CACNB4: variants seen among roughly 807,000 people sequenced by gnomAD.
CACNB4 encodes the protein voltage-dependent L-type calcium channel subunit beta-4.
A neutral mutation model predicts 71.2 loss-of-function variants in CACNB4; 32 were observed. The ratio of observed to expected loss-of-function variants is 0.45; its 90% CI spans 0.34 to 0.60. The LOEUF (loss-of-function observed/expected upper bound fraction) is 0.60. CACNB4 is among the 20% of genes least tolerant of loss of function. CACNB4 has a pLI of 0.01. For synonymous variants in CACNB4, 231 were observed against 236.9 expected (o/e 0.97, Z 0.23); for missense variants, 464 against 647.9 (o/e 0.72, Z 3.08).
intron 2 of CACNB4, among the ~76,000 whole-genome samples, chr2:152,012,374 C>G (rs1683105578): frequency 6.6e-6 from 1 of 152,132 alleles, no homozygotes; most frequent in Non-Finnish European, 1.5e-5. Flanking sequence ...GAGGCCGAGG[C>G]AGGTGGAGCG....
chr2:152,081,361 T>A (rs753104614), intron 2 of CACNB4, among the ~76,000 whole-genome samples: 11 of 152,106 alleles, frequency 7.2e-5, no homozygotes, highest in Non-Finnish European at 1.0e-4. Context: ...AAGATCAAGA[T>A]ACTGACAGAG....
chr2:151,876,728 AC>A (rs1339932215), intron 4 of CACNB4, among the ~76,000 whole-genome samples, 172 bp from the exon 5 acceptor site: 34 of 50,186 alleles, frequency 6.8e-4, no homozygotes, highest in African/African-American at 1.8e-3. Context: ...TATATACTAT[AC>A]TATAGACTAT....
At chr2:151,850,988 T>C (rs911317136) in intron 12 of CACNB4, 1 of 152,194 alleles carries the variant, frequency 6.6e-6, no homozygotes, top group Non-Finnish European at 1.5e-5. Context: ...AGAGCTCCTA[T>C]AGGCTTCCCT....
intron 2 of CACNB4, among the ~76,000 whole-genome samples, chr2:152,069,503 C>CT (rs34430081): frequency 0.055 from 7,138 of 128,864 alleles, 276 homozygotes; most frequent in Non-Finnish European, 0.074. Context: ...AAGAACACGC[C>CT]TTTTTTTTTT....
chr2:152,042,175 A>C (rs1189505658), intron 2 of CACNB4, among the ~76,000 whole-genome samples: 1 of 152,220 alleles, frequency 6.6e-6, no homozygotes, highest in African/African-American at 2.4e-5. Flanking sequence ...ACTAATTGCT[A>C]CTAAGCATGG....
At chr2:151,857,722 T>C (rs1365894888) in intron 10 of CACNB4, 1 of 152,338 alleles carries the variant, frequency 6.6e-6, no homozygotes, top group African/African-American at 2.4e-5. Context: ...CAGAAAGACA[T>C]TGATGTGAAC....
intron 2 of CACNB4, among the ~76,000 whole-genome samples, chr2:151,947,466 A>G (rs1277434912): frequency 2.6e-5 from 4 of 152,158 alleles, no homozygotes; most frequent in African/African-American, 9.7e-5. Flanking sequence ...ACGGGATTCT[A>G]TTGCAGAGTG....
intron 2 of CACNB4, among the ~76,000 whole-genome samples, chr2:151,938,121 T>G (rs989697025): frequency 3.9e-5 from 6 of 152,152 alleles, no homozygotes; most frequent in African/African-American, 1.4e-4. Context: ...GTCCCCTGAG[T>G]CTTTCATGTA....
chr2:151,895,714 A>G (rs1319986787), intron 2 of CACNB4, among the ~76,000 whole-genome samples: 1 of 152,058 alleles, frequency 6.6e-6, no homozygotes, highest in Non-Finnish European at 1.5e-5. Context: ...ACCTGCATTA[A>G]CCCTAAAATA....
At chr2:151,929,117 T>G (rs76107779) in intron 2 of CACNB4, among the ~76,000 whole-genome samples, 2 of 152,028 alleles carry the variant, frequency 1.3e-5, no homozygotes, top group Non-Finnish European at 2.9e-5. Flanking sequence ...GCCATCACAG[T>G]GCTTACATAA....
chr2:152,078,869 CTTTTGGTTTCAGTAT>C (rs1212381872), intron 2 of CACNB4, among the ~76,000 whole-genome samples: 4 of 152,134 alleles, frequency 2.6e-5, no homozygotes, highest in Non-Finnish European at 5.9e-5. Flanking sequence ...ATATATTGAT[CTTTTGGTTTCAGTAT>C]TACAGCAGCT....
chr2:152,021,079 C>A (rs565093262), intron 2 of CACNB4, among the ~76,000 whole-genome samples: 1 of 152,036 alleles, frequency 6.6e-6, no homozygotes, highest in African/African-American at 2.4e-5. Context: ...GGTGAAACCC[C>A]GTTTCTACTA....
chr2:151,930,622 A>G (rs754841750), intron 2 of CACNB4, among the ~76,000 whole-genome samples: 2 of 152,210 alleles, frequency 1.3e-5, no homozygotes, highest in Non-Finnish European at 2.9e-5. Context: ...GACACAACCC[A>G]GCAGAGGATT....
chr2:151,869,463 G>C (rs1033040937), intron 8 of CACNB4: 4 of 450,130 alleles, frequency 8.9e-6, no homozygotes, highest in Non-Finnish European at 1.2e-5. Flanking sequence ...GAATAAACCA[G>C]CAGTGTTCAC....
intron 12 of CACNB4, among the ~76,000 whole-genome samples, chr2:151,843,611 C>T (rs999499995): frequency 8.5e-5 from 13 of 152,274 alleles, no homozygotes; most frequent in African/African-American, 2.4e-4. Context: ...TCACCACACC[C>T]GGCTCACATC....
chr2:151,836,710 A>C lies in CACNB4; in HGVS notation c.*2409T>G, dbSNP rs1391535678. ...TTTATCGGCATGACATGGAAGACTA[A>C]AAACAAGGCTTTGAAAAACCTTTAA... On this transcript the variant is annotated 3_prime_UTR_variant, in exon 14 of 14. Transcript: ENST00000539935. 3 of 151,972 alleles carry C rather than the reference A, an allele frequency of 2.0e-5. No individual in the cohort carries two copies. The highest frequency in any genetic ancestry group is 4.8e-5 in the African/African-American group (2 of 41,450). The allele number at this position is 151,972 out of a possible 1,614,324, so 9.4% of individuals were successfully genotyped here.
At chr2:152,039,785 G>A (rs4664521) in intron 2 of CACNB4, among the ~76,000 whole-genome samples, 104,955 of 152,162 alleles carry the variant, frequency 0.69, 36,437 homozygotes, top group East Asian at 0.86. Flanking sequence ...GGAAAACTAC[G>A]TAAGTCCTCA....
chr2:152,033,714 C>T (rs1347008053), intron 2 of CACNB4, among the ~76,000 whole-genome samples: 3 of 152,164 alleles, frequency 2.0e-5, no homozygotes, highest in Non-Finnish European at 4.4e-5. Context: ...TAATCTGACA[C>T]AACATTCAGC....
intron 2 of CACNB4, among the ~76,000 whole-genome samples, chr2:151,982,106 C>G (rs1314355273): frequency 6.6e-6 from 1 of 152,132 alleles, no homozygotes; most frequent in Non-Finnish European, 1.5e-5. Context: ...ACTTTGACCT[C>G]TCTATTATTC....
Sources: gnomAD v4.1 joint callset for allele counts (sites outside exome capture counted in the v4.1 genomes callset) on GRCh38, gnomAD v4.1.1 for gene constraint, MANE v1.5 for transcripts, NCBI Gene and HGNC (gene_info 2026-07-23, HGNC 2026-07-21) for gene names.